The following FOXP2 variants were observed in gnomAD, a reference collection of about 807,000 sequenced individuals.
FOXP2 encodes the protein forkhead box protein P2.
In FOXP2, 12 loss-of-function variants were observed where a neutral mutation model predicts 115.8. The observed-to-expected ratio is 0.10, with a 90% CI of 0.07 to 0.17. The LOEUF (loss-of-function observed/expected upper bound fraction) is 0.17, where lower values mean the gene tolerates loss of function less well. Among genes scored for constraint, FOXP2 ranks in the 10% least tolerant of loss-of-function variants. The probability of loss-of-function intolerance (pLI) is 1.00; values close to 1 mark genes in which losing one functional copy is unlikely to be tolerated. For synonymous variants in FOXP2, 328 were observed against 297.7 expected, an observed-to-expected ratio of 1.10 and a Z score of -1.05; for missense variants, 629 against 843.5, an observed-to-expected ratio of 0.75 and a Z score of 3.15.
chr7:114,507,151 C>G lies in FOXP2; in HGVS notation c.169-27466C>G, dbSNP rs530695710. On this transcript the variant is annotated intron_variant, in intron 2 of 16. Transcript: ENST00000350908. ...CATTCTTCTGAAATTAGATTCTTAC[C>G]CCTACCCCCCCCAAATAAACCAAAA... is the stretch of plus-strand genomic sequence containing the variant. Among the ~76,000 whole-genome samples the G allele has an allele frequency of 4.0e-5, 6 of 151,608 alleles. No individual in the cohort carries two copies. In the East Asian group the frequency reaches 1.2e-3, roughly 29 times the overall value.
chr7:114,354,608 G>C (rs1791571228), intron 2 of FOXP2, among the ~76,000 whole-genome samples: 1 of 151,912 alleles, frequency 6.6e-6, no homozygotes, highest in Non-Finnish European at 1.5e-5. Context: ...AAAAATGAAG[G>C]TCTCTCTGGA....
intron 1 of FOXP2, among the ~76,000 whole-genome samples, chr7:114,194,873 T>C (rs1793862630): frequency 6.6e-6 from 1 of 152,180 alleles, no homozygotes; most frequent in Non-Finnish European, 1.5e-5. Flanking sequence ...AACACAGATA[T>C]AGGACATAAT....
chr7:114,527,357 T>C (rs1390907805), intron 2 of FOXP2, among the ~76,000 whole-genome samples: 3 of 152,132 alleles, frequency 2.0e-5, no homozygotes, highest in East Asian at 1.9e-4. Context: ...GGTAATTCTT[T>C]GTTTAACCTT....
chr7:114,388,017 C>T lies in FOXP2; in HGVS notation c.-10-38485C>T, dbSNP rs188890812. On this transcript the variant is annotated intron_variant, in intron 2 of 17. Coordinates refer to the FOXP2 transcript ENST00000634411. ...CATAGAGTTCCCAATATTATATCCTCATATTTTAATATATAACTTGACAGA... is the reference window on the plus strand; with the variant it reads ...CATAGAGTTCCCAATATTATATCCTTATATTTTAATATATAACTTGACAGA... Among the ~76,000 whole-genome samples, 97 of 152,284 alleles carry T rather than the reference C, an allele frequency of 6.4e-4. No homozygotes were observed. In the Middle Eastern group the frequency reaches 0.014, roughly 21 times the overall value.
chr7:114,442,854 T>C (rs1034987681), intron 2 of FOXP2, among the ~76,000 whole-genome samples: 3 of 152,182 alleles, frequency 2.0e-5, no homozygotes, highest in Admixed American at 6.5e-5. Flanking sequence ...CATAATTCCA[T>C]TGTATTTTTT....
chr7:114,144,867 A>G (rs1254414400), intron 1 of FOXP2, among the ~76,000 whole-genome samples: 2 of 152,194 alleles, frequency 1.3e-5, no homozygotes, highest in African/African-American at 2.4e-5. Context: ...GAGTGTTATC[A>G]AAAGGATGAT....
chr7:114,129,386 A>T (rs936031771), intron 1 of FOXP2, among the ~76,000 whole-genome samples: 1 of 152,256 alleles, frequency 6.6e-6, no homozygotes, highest in East Asian at 1.9e-4. Context: ...TCCTTTCCAT[A>T]ATCACACACA....
At position 114,145,435 on chromosome 7, in the gene FOXP2, T is replaced by TCTTTTTTCTTTC. The variant is rs1554421633; in HGVS notation, c.-246-17504_-246-17503insTTCTTTCCTTTT. ...TTAAAATAGTAGCTTTGCCATTTTT[T>TCTTTTTTCTTTC]CTTTTCTTTTCTTTTCTTTTCTTTT... On this transcript the variant is annotated intron_variant, in intron 1 of 19. Transcript: ENST00000635638. 2.5e-4 allele frequency among the ~76,000 whole-genome samples: 15 copies of TCTTTTTTCTTTC among 59,414 alleles called. 1 individual carries two copies. Among genetic ancestry groups the TCTTTTTTCTTTC allele is most frequent in the Non-Finnish European group, 4.1e-4 (15 of 36,298 alleles). The allele number at this position is 59,414 out of a possible 152,430, so 39.0% of individuals were successfully genotyped here.
intron 3 of FOXP2, among the ~76,000 whole-genome samples, chr7:114,602,655 C>A (rs909275959): frequency 6.6e-6 from 1 of 152,040 alleles, no homozygotes; most frequent in African/African-American, 2.4e-5. Flanking sequence ...AATCAGGTTG[C>A]TATTTTCAAT....
At chr7:114,281,426 AC>A (rs1329533119) in intron 1 of FOXP2, among the ~76,000 whole-genome samples, 1 of 152,008 alleles carries the variant, frequency 6.6e-6, no homozygotes, top group Non-Finnish European at 1.5e-5. Flanking sequence ...AAGTATTTTT[AC>A]CTGTTTTGTG....
intron 2 of FOXP2, among the ~76,000 whole-genome samples, chr7:114,368,216 G>A (rs539045140): frequency 1.3e-5 from 2 of 151,876 alleles, no homozygotes; most frequent in Admixed American, 6.6e-5. Flanking sequence ...ATACACATTG[G>A]TTAGTACTCC....
chr7:114,490,702 G>C (rs1177821254), intron 2 of FOXP2, among the ~76,000 whole-genome samples: 1 of 151,858 alleles, frequency 6.6e-6, no homozygotes, highest in Non-Finnish European at 1.5e-5. Flanking sequence ...TCCCCTTCTT[G>C]TGTCCATGTG....
Position 114,659,557 on chromosome 7 carries a change from C to T in FOXP2, c.1546-15C>T. The T allele has an allele frequency of 1.2e-6, 2 of 1,608,330 alleles. No individual in the cohort carries two copies. Among genetic ancestry groups the T allele is most frequent in the Non-Finnish European group, 1.7e-6 (2 of 1,174,872 alleles). ...ACCATTATTTTATGTCACTATGTAT[C>T]TTGTCTCATTTCAGGCTATCATGGA... On this transcript the variant is annotated splice_polypyrimidine_tract_variant and intron_variant, in intron 12 of 16. Transcript: ENST00000350908.
At chr7:114,681,676 T>C (rs1808088830) in intron 16 of FOXP2, among the ~76,000 whole-genome samples, 1 of 152,222 alleles carries the variant, frequency 6.6e-6, no homozygotes, top group Admixed American at 6.5e-5. Flanking sequence ...TTTAGCTTAG[T>C]ATTTTAGTGA....
Position 114,545,921 on chromosome 7 carries a change from T to C in FOXP2, c.258+11215T>C, listed in dbSNP as rs1799901546. ...ATGTGGAATTAATTATTCCCTTCCATATATTACTTATATGTCTTGTTAATG... is the reference window on the plus strand; with the variant it reads ...ATGTGGAATTAATTATTCCCTTCCACATATTACTTATATGTCTTGTTAATG... On this transcript the variant is annotated intron_variant, in intron 3 of 16. Transcript: ENST00000350908. Among the ~76,000 whole-genome samples, 3 of 152,306 alleles carry C rather than the reference T, an allele frequency of 2.0e-5. No individual in the cohort carries two copies. In the South Asian group the frequency reaches 6.2e-4, roughly 32 times the overall value.
chr7:114,480,701 A>G (rs1245926956), intron 2 of FOXP2, among the ~76,000 whole-genome samples: 1 of 150,682 alleles, frequency 6.6e-6, no homozygotes, highest in Admixed American at 6.6e-5. Flanking sequence ...GTGTGCATAT[A>G]TACATATGTG....
At chr7:114,483,382 T>C (rs1304871292) in intron 2 of FOXP2, among the ~76,000 whole-genome samples, 2 of 151,688 alleles carry the variant, frequency 1.3e-5, no homozygotes, top group East Asian at 1.9e-4. Context: ...TAACATTAAA[T>C]ACCTTGCTCA....
chr7:114,577,563 A>G (rs1801638700), intron 3 of FOXP2, among the ~76,000 whole-genome samples: 1 of 151,986 alleles, frequency 6.6e-6, no homozygotes, highest in African/African-American at 2.4e-5. Flanking sequence ...AACAGTTTGT[A>G]ATGCTCAGGC....
intron 6 of FOXP2, among the ~76,000 whole-genome samples, chr7:114,632,410 CAAAT>C (rs1049341315): frequency 6.6e-6 from 1 of 152,192 alleles, no homozygotes; most frequent in African/African-American, 2.4e-5. Context: ...TTATAAAAGA[CAAAT>C]AATGGTAAAC....
Sources: gnomAD v4.1 joint callset for allele counts (sites outside exome capture counted in the v4.1 genomes callset) on GRCh38, gnomAD v4.1.1 for gene constraint, MANE v1.5 for transcripts, NCBI Gene and HGNC (gene_info 2026-07-23, HGNC 2026-07-21) for gene names.